Variants in HERC2 observed in about 807,000 individuals in gnomAD.
The protein encoded by HERC2 is E3 ubiquitin-protein ligase HERC2.
HERC2 carries 102 observed loss-of-function variants against 537.7 expected under a neutral mutation model. The observed-to-expected ratio is 0.19, with a 90% CI of 0.16 to 0.22. The LOEUF (loss-of-function observed/expected upper bound fraction) is 0.22. HERC2 is among the 10% of genes least tolerant of loss of function. The pLI is 1.00. For synonymous variants in HERC2, 2,224 were observed against 2,466.2 expected (o/e 0.90, Z 2.91); for missense variants, 4,236 against 6,198.2 (o/e 0.68, Z 10.63).
At chr15:28,140,100 T>C (rs1048945998) in intron 78 of HERC2, among the ~76,000 whole-genome samples, 2 of 151,580 alleles carry the variant, frequency 1.3e-5, no homozygotes, top group Non-Finnish European at 2.9e-5. Flanking sequence ...AAAACATCTA[T>C]GAAAGAACAT....
intron 53 of HERC2, 36 bp from the exon 54 acceptor site, chr15:28,191,280 C>A: frequency 7.4e-7 from 1 of 1,357,452 alleles, no homozygotes; most frequent in Non-Finnish European, 1.0e-6. Context: ...TCTCAGTTAG[C>A]AAAATTCAGC....
At chr15:28,124,497 T>C (rs749955606) in intron 84 of HERC2, among the ~76,000 whole-genome samples, 1 of 152,216 alleles carries the variant, frequency 6.6e-6, no homozygotes, top group South Asian at 2.1e-4. Flanking sequence ...TGGAAGAGTT[T>C]GGTGTGGGTT....
rs183864117 is a variant in HERC2 at position 28,272,293 on chromosome 15, G to A, written c.1005C>T (p.Ala335=). ...DNERSAQGTS[A]PLLPLLQRFQ... The stretch of plus-strand genomic sequence containing the variant: ...ACCTTTGCAGCAAGGGCAAAAGTGG[G>A]GCGCTGGTGCCCTGGGCGGAACGCT... Residue 335 remains alanine, a synonymous_variant, in exon 9 of 93, where the codon GCC becomes GCT. Transcript: ENST00000261609. 2.2e-5 allele frequency: 35 copies of A among 1,612,624 alleles called. No homozygotes were observed. The highest frequency in any genetic ancestry group is 1.3e-5 in the Non-Finnish European group (15 of 1,179,474).
At chr15:28,126,386 C>T (rs1889487508) in intron 83 of HERC2, among the ~76,000 whole-genome samples, 1 of 152,206 alleles carries the variant, frequency 6.6e-6, no homozygotes, top group Admixed American at 6.5e-5. Context: ...CACTAGGTAC[C>T]TACCCAGAAG....
At chr15:28,252,627 G>A (rs2075120678) in intron 20 of HERC2, among the ~76,000 whole-genome samples, 1 of 152,094 alleles carries the variant, frequency 6.6e-6, no homozygotes, top group African/African-American at 2.4e-5. Flanking sequence ...ACAAGCTGTT[G>A]CAACTGAAAT....
At chr15:28,304,206 C>T (rs1012458611) in intron 2 of HERC2, among the ~76,000 whole-genome samples, 2 of 142,046 alleles carry the variant, frequency 1.4e-5, no homozygotes, top group African/African-American at 5.2e-5. Context: ...AGAAATGCTA[C>T]AGATTTTTGT....
At chr15:28,301,970 T>C (rs961209831) in intron 2 of HERC2, among the ~76,000 whole-genome samples, 12 of 150,348 alleles carry the variant, frequency 8.0e-5, no homozygotes, top group Non-Finnish European at 1.6e-4. Context: ...CAGCTAATTT[T>C]TGTATTTTTG....
Position 28,177,622 on chromosome 15 carries a change from GA to G in HERC2, c.9164-114del, listed in dbSNP as rs538601327. On this transcript the variant is annotated intron_variant, in intron 59 of 92. Transcript: ENST00000261609. The surrounding 1 kb of genome is among the most constrained non-coding windows in gnomAD (Gnocchi z 5.0). Reference sequence around the variant, plus strand: ...AGCACACACTCAATGAGCGTGAGCTGAATAAATGAGTAACTCAACAGGATCA... The same window carrying G: ...AGCACACACTCAATGAGCGTGAGCTGATAAATGAGTAACTCAACAGGATCA... 547 of 834,150 alleles carry G rather than the reference GA, an allele frequency of 6.6e-4. No individual in the cohort carries two copies. In the East Asian group the frequency reaches 9.2e-3, roughly 14 times the overall value. The allele number at this position is 834,150 out of a possible 1,614,324, so 51.7% of individuals were successfully genotyped here. A position where few individuals can be genotyped will look rare whatever the true frequency, so the allele number is the denominator to read the frequency against.
intron 16 of HERC2, among the ~76,000 whole-genome samples, 184 bp downstream of exon 16, chr15:28,260,593 A>G (rs1596340803): frequency 6.6e-6 from 1 of 152,264 alleles, no homozygotes; most frequent in Non-Finnish European, 1.5e-5. Context: ...CTATACAGAT[A>G]GCATTTAATT....
intron 35 of HERC2, among the ~76,000 whole-genome samples, chr15:28,224,540 C>CT (rs1362077817): frequency 6.6e-6 from 1 of 152,162 alleles, no homozygotes; most frequent in Non-Finnish European, 1.5e-5. Flanking sequence ...AATGTGAACT[C>CT]TAAGACTGAT....
At chr15:28,280,753 T>C (rs886608715) in intron 4 of HERC2, among the ~76,000 whole-genome samples, 1 of 151,266 alleles carries the variant, frequency 6.6e-6, no homozygotes, top group African/African-American at 2.4e-5. Context: ...AAAAAAAAAA[T>C]ACAAAAATTA....
intron 56 of HERC2, among the ~76,000 whole-genome samples, chr15:28,184,779 G>A (rs894215735): frequency 1.3e-5 from 2 of 151,400 alleles, no homozygotes; most frequent in Admixed American, 6.6e-5. Flanking sequence ...GGAGAATGGC[G>A]TGAACCCAGG....
At chr15:28,306,043 G>C (rs2076778340) in intron 2 of HERC2, among the ~76,000 whole-genome samples, 1 of 152,178 alleles carries the variant, frequency 6.6e-6, no homozygotes, top group Non-Finnish European at 1.5e-5. Flanking sequence ...TGCTGGAGAG[G>C]ATGTGGAGAA....
chr15:28,145,997 T>C (rs1228731733), intron 71 of HERC2, among the ~76,000 whole-genome samples: 4 of 152,222 alleles, frequency 2.6e-5, no homozygotes, highest in Non-Finnish European at 5.9e-5. Flanking sequence ...TGCAACTGTC[T>C]GATGAGGCAG....
At chr15:28,285,142 A>G (rs982503009) in intron 4 of HERC2, among the ~76,000 whole-genome samples, 75 of 152,282 alleles carry the variant, frequency 4.9e-4, no homozygotes, top group African/African-American at 1.8e-3. Context: ...ATAAAATTAG[A>G]AGACAGAAAA....
intron 2 of HERC2, 86 bp downstream of exon 2, chr15:28,321,276 C>T: frequency 3.2e-6 from 2 of 628,924 alleles, no homozygotes; most frequent in Non-Finnish European, 5.6e-6. Flanking sequence ...CTGACTTCCC[C>T]TTACATACCC....
intron 70 of HERC2, among the ~76,000 whole-genome samples, chr15:28,151,281 A>AC (rs1363023551): frequency 6.6e-6 from 1 of 152,078 alleles, no homozygotes; most frequent in Admixed American, 6.6e-5. Context: ...AGAAGTACAG[A>AC]CCCCATACTT....
chr15:28,305,348 G>C (rs935185502), intron 2 of HERC2, among the ~76,000 whole-genome samples: 7 of 151,956 alleles, frequency 4.6e-5, no homozygotes, highest in African/African-American at 1.7e-4. Context: ...CAATGGAACA[G>C]AACAGAGCCC....
chr15:28,193,390 G>A (rs1004874531), intron 52 of HERC2, among the ~76,000 whole-genome samples: 1 of 152,152 alleles, frequency 6.6e-6, no homozygotes, highest in Non-Finnish European at 1.5e-5. Flanking sequence ...ACTGAACTCA[G>A]CTGAAGAGAA....
Sources: allele counts gnomAD v4.1 joint callset (sites outside exome capture counted in the v4.1 genomes callset), GRCh38; gene constraint gnomAD v4.1.1; non-coding constraint Gnocchi (gnomAD v3.1); transcripts MANE v1.5; gene names NCBI Gene and HGNC (gene_info 2026-07-23, HGNC 2026-07-21).